Variants in ARHGAP6 observed in about 807,000 individuals in gnomAD.
The protein encoded by ARHGAP6 is Rho GTPase activating protein 6.
ARHGAP6 carries 16 observed loss-of-function variants against 55.7 expected under a neutral mutation model. The observed-to-expected ratio is 0.29, with a 90% CI of 0.19 to 0.44. The LOEUF is 0.44. Ranked by LOEUF, ARHGAP6 falls within the 20% of genes least tolerant of loss-of-function variation. ARHGAP6 has a pLI of 1.00. For synonymous variants in ARHGAP6, 382 were observed against 360.9 expected (o/e 1.06, Z -0.66); for missense variants, 698 against 808.9 (o/e 0.86, Z 1.66).
At chrX:11,417,492 A>G (rs1392338540) in intron 1 of ARHGAP6, among the ~76,000 whole-genome samples, 1 of 110,728 alleles carries the variant, frequency 9.0e-6, no homozygotes, top group Admixed American at 9.7e-5. Flanking sequence ...AAAAGAATGC[A>G]TGTAAAAACC....
chrX:11,432,181 C>A (rs1015608196), intron 1 of ARHGAP6, among the ~76,000 whole-genome samples: 24 of 112,586 alleles, frequency 2.1e-4, no homozygotes, highest in African/African-American at 7.4e-4. Context: ...TGTTTCCTAA[C>A]TTTATGTAAA....
At chrX:11,313,773 T>C (rs1321164153) in intron 1 of ARHGAP6, among the ~76,000 whole-genome samples, 1 of 112,266 alleles carries the variant, frequency 8.9e-6, no homozygotes, top group Non-Finnish European at 1.9e-5. Context: ...ATGCTAGGTT[T>C]AGGTGCTAAG....
At chrX:11,600,343 C>G (rs2051954393) in intron 1 of ARHGAP6, among the ~76,000 whole-genome samples, 1 of 112,322 alleles carries the variant, frequency 8.9e-6, no homozygotes, top group Admixed American at 9.4e-5. Context: ...GGAAGAAACA[C>G]TCTCGCATTC....
chrX:11,385,490 T>A, intron 1 of ARHGAP6, among the ~76,000 whole-genome samples: 1 of 112,120 alleles, frequency 8.9e-6, no homozygotes, highest in Non-Finnish European at 1.9e-5. Flanking sequence ...TTGGTATTAA[T>A]ACAATTGAGT....
chrX:11,287,445 C>T (rs912435903), intron 1 of ARHGAP6, among the ~76,000 whole-genome samples: 1 of 111,696 alleles, frequency 9.0e-6, no homozygotes, highest in South Asian at 3.8e-4. Flanking sequence ...CATCTGATTG[C>T]TTTGTGTTTC....
intron 2 of ARHGAP6, among the ~76,000 whole-genome samples, chrX:11,242,233 C>T (rs745979738): frequency 8.9e-6 from 1 of 111,998 alleles, no homozygotes; most frequent in East Asian, 2.8e-4. Context: ...TTGTTGAACA[C>T]GTCTCCTTGT....
chrX:11,269,461 T>C (rs764927001), intron 1 of ARHGAP6, among the ~76,000 whole-genome samples: 17 of 112,080 alleles, frequency 1.5e-4, no homozygotes, highest in South Asian at 7.5e-4. Flanking sequence ...TGGTTAGAAA[T>C]AGGTAATGCT....
chrX:11,232,153 G>T (rs1159064569), intron 2 of ARHGAP6, among the ~76,000 whole-genome samples: 1 of 111,611 alleles, frequency 9.0e-6, no homozygotes, highest in Non-Finnish European at 1.9e-5. Context: ...ACAGTTATTC[G>T]AGTGTGCTAT....
At chrX:11,350,720 T>C (rs1299411739) in intron 1 of ARHGAP6, among the ~76,000 whole-genome samples, 1 of 112,287 alleles carries the variant, frequency 8.9e-6, no homozygotes, top group Non-Finnish European at 1.9e-5. Flanking sequence ...ACAAGTTATT[T>C]TCCCTTTGGG....
At chrX:11,230,183 A>G (rs2047107373) in intron 2 of ARHGAP6, among the ~76,000 whole-genome samples, 2 of 111,588 alleles carry the variant, frequency 1.8e-5, no homozygotes, top group African/African-American at 6.5e-5. Flanking sequence ...GTGATGGAAC[A>G]GTTGATTTAT....
intron 1 of ARHGAP6, among the ~76,000 whole-genome samples, chrX:11,546,149 T>C (rs2051210217): frequency 9.0e-6 from 1 of 110,754 alleles, no homozygotes; most frequent in African/African-American, 3.3e-5. Flanking sequence ...GTAAAACATA[T>C]ATATATATAT....
chrX:11,302,873 G>A (rs750334334), intron 1 of ARHGAP6, among the ~76,000 whole-genome samples: 3 of 110,559 alleles, frequency 2.7e-5, no homozygotes, highest in Non-Finnish European at 5.7e-5. Context: ...GCAATGTCAA[G>A]TTTACCATCC....
chrX:11,327,274 A>G (rs1000429725), intron 1 of ARHGAP6, among the ~76,000 whole-genome samples: 1 of 112,521 alleles, frequency 8.9e-6, no homozygotes, highest in Non-Finnish European at 1.9e-5. Context: ...TCCTGCTAAG[A>G]AAGAAAAGAA....
At chrX:11,528,485 C>T (rs1204521000) in intron 1 of ARHGAP6, among the ~76,000 whole-genome samples, 2 of 111,676 alleles carry the variant, frequency 1.8e-5, no homozygotes, top group African/African-American at 6.5e-5. Context: ...CGCTGCCTAC[C>T]TTTTACCAAA....
intron 1 of ARHGAP6, among the ~76,000 whole-genome samples, chrX:11,509,546 C>A (rs1012823593): frequency 1.8e-5 from 2 of 111,865 alleles, no homozygotes; most frequent in East Asian, 2.8e-4. Flanking sequence ...ACCCTCCTAG[C>A]CTATCAGGTG....
chrX:11,339,486 T>C (rs1383566027), intron 1 of ARHGAP6, among the ~76,000 whole-genome samples: 1 of 110,785 alleles, frequency 9.0e-6, no homozygotes, highest in Non-Finnish European at 1.9e-5. Flanking sequence ...TGCCAGCCTG[T>C]CTCAGATCAT....
At chrX:11,311,485 G>T (rs1480366193) in intron 1 of ARHGAP6, among the ~76,000 whole-genome samples, 1 of 111,909 alleles carries the variant, frequency 8.9e-6, no homozygotes, top group Admixed American at 9.5e-5. Flanking sequence ...AGTCTCAAAA[G>T]AAAGATTTGC....
chrX:11,336,408 T>C (rs1256409541), intron 1 of ARHGAP6, among the ~76,000 whole-genome samples: 1 of 111,710 alleles, frequency 9.0e-6, no homozygotes, highest in Non-Finnish European at 1.9e-5. Flanking sequence ...ACCCCAGCTT[T>C]AAAGGTCTTT....
chrX:11,655,205 A>G (rs1354124929), intron 1 of ARHGAP6, among the ~76,000 whole-genome samples: 1 of 110,887 alleles, frequency 9.0e-6, no homozygotes, highest in African/African-American at 3.3e-5. Flanking sequence ...CATCCAAGGC[A>G]TAGCATTCAT....
Sources: gnomAD v4.1 joint callset for allele counts (sites outside exome capture counted in the v4.1 genomes callset) on GRCh38, gnomAD v4.1.1 for gene constraint, MANE v1.5 for transcripts, NCBI Gene and HGNC (gene_info 2026-07-23, HGNC 2026-07-21) for gene names.